TCTN2: variants seen among roughly 807,000 people sequenced by gnomAD.
The protein encoded by TCTN2 is tectonic family member 2.
A neutral mutation model predicts 83.4 loss-of-function variants in TCTN2; 66 were observed. The observed-to-expected ratio is 0.79, with a 90% CI of 0.65 to 0.97. The LOEUF is 0.97. Among genes scored for constraint, TCTN2 ranks in the 50% least tolerant of loss-of-function variants. The pLI is 0.00. For synonymous variants in TCTN2, 301 were observed against 326.7 expected, an observed-to-expected ratio of 0.92 and a Z score of 0.85; for missense variants, 794 against 858.1, an observed-to-expected ratio of 0.93 and a Z score of 0.93.
intron 15 of TCTN2, 125 bp from the exon 16 acceptor site, chr12:123,706,601 C>A: frequency 7.0e-7 from 1 of 1,418,516 alleles, no homozygotes; most frequent in Non-Finnish European, 9.9e-7. Flanking sequence ...AAAAACAGCC[C>A]AGGTAGAATG....
At chr12:123,679,737 T>G (rs997884164) in intron 5 of TCTN2, among the ~76,000 whole-genome samples, 3 of 66,234 alleles carry the variant, frequency 4.5e-5, no homozygotes, top group African/African-American at 4.7e-5. Flanking sequence ...TCAAATTGAG[T>G]TTTTTTTTTT....
intron 9 of TCTN2, 48 bp downstream of exon 9, chr12:123,692,771 C>T (rs774758045): frequency 4.9e-6 from 7 of 1,417,310 alleles, no homozygotes; most frequent in Admixed American, 3.4e-5. Context: ...ACAGATATGT[C>T]ATTTCTTACA....
intron 5 of TCTN2, among the ~76,000 whole-genome samples, chr12:123,686,626 T>G (rs1052077442): frequency 1.3e-5 from 2 of 152,226 alleles, no homozygotes; most frequent in Admixed American, 1.3e-4. Context: ...AGTTTCTGAC[T>G]TGAAGGCTTA....
At chr12:123,671,970 G>T in intron 2 of TCTN2, 86 bp from the exon 3 acceptor site, 1 of 1,091,810 alleles carries the variant, frequency 9.2e-7, no homozygotes, top group Middle Eastern at 2.3e-4. Context: ...AGGCTGTAAT[G>T]TGAGTCCATC....
chr12:123,676,701 T>G (rs1325170870), intron 4 of TCTN2, among the ~76,000 whole-genome samples: 3 of 151,552 alleles, frequency 2.0e-5, no homozygotes, highest in Non-Finnish European at 4.4e-5. Context: ...TCTGACCCCA[T>G]GAAGGCATGA....
chr12:123,695,432 C>T, intron 11 of TCTN2, 135 bp downstream of exon 11: 1 of 714,638 alleles, frequency 1.4e-6, no homozygotes. Flanking sequence ...TTCTCTTTTT[C>T]TTTTTTTGAG....
chr12:123,687,131 C>A, intron 6 of TCTN2, 96 bp downstream of exon 6: 1 of 1,407,710 alleles, frequency 7.1e-7, no homozygotes. Flanking sequence ...ACGTTTTTCC[C>A]AACCCCTCTC....
intron 7 of TCTN2, among the ~76,000 whole-genome samples, 194 bp downstream of exon 7, chr12:123,688,371 G>A (rs1295197021): frequency 1.3e-5 from 2 of 151,338 alleles, no homozygotes; most frequent in Non-Finnish European, 2.9e-5. Flanking sequence ...GTGTGCCACC[G>A]CACCCAGCCA....
chr12:123,696,598 T>C lies in TCTN2; in HGVS notation c.1393+103T>C, dbSNP rs1246652953. 9 of 1,108,170 alleles carry C rather than the reference T, an allele frequency of 8.1e-6. No homozygotes were observed. In the African/African-American group the frequency reaches 1.1e-4, roughly 13 times the overall value. 68.6% of individuals were successfully genotyped at this position (1,108,170 alleles called of 1,614,324 possible). A position where few individuals can be genotyped will look rare whatever the true frequency, so the allele number is the denominator to read the frequency against. Reference sequence around the variant, plus strand: ...AGCAATCAATTATTTTAAAGCCTAGTTGGTTTATTTAGCAGAGAGGTACAT... The same window carrying C: ...AGCAATCAATTATTTTAAAGCCTAGCTGGTTTATTTAGCAGAGAGGTACAT... On this transcript the variant is annotated intron_variant, in intron 12 of 17. Coordinates refer to ENST00000303372, the MANE Select transcript of TCTN2 (RefSeq NM_024809.5).
intron 5 of TCTN2, among the ~76,000 whole-genome samples, chr12:123,681,376 T>C (rs1249245416): frequency 6.6e-6 from 1 of 151,932 alleles, no homozygotes; most frequent in Non-Finnish European, 1.5e-5. Context: ...CAGAAAGAAA[T>C]CGTGTGTCCC....
chr12:123,690,511 T>C, intron 7 of TCTN2, 22 bp from the exon 8 acceptor site: 3 of 1,614,192 alleles, frequency 1.9e-6, no homozygotes, highest in Non-Finnish European at 2.5e-6. Context: ...ATAAATCTGT[T>C]GGCTTTGCCC....
chr12:123,682,805 G>A (rs1407573066), intron 5 of TCTN2, among the ~76,000 whole-genome samples: 1 of 152,008 alleles, frequency 6.6e-6, no homozygotes, highest in Non-Finnish European at 1.5e-5. Context: ...TCTTGTTGTT[G>A]TCCTTTGAGG....
chr12:123,673,267 T>C (rs962091323), intron 3 of TCTN2, among the ~76,000 whole-genome samples: 3 of 152,142 alleles, frequency 2.0e-5, no homozygotes, highest in African/African-American at 7.2e-5. Context: ...TGGGATAAAC[T>C]GAGGATTGTT....
chr12:123,696,782 T>G (rs1412817899), intron 12 of TCTN2: 1 of 527,362 alleles, frequency 1.9e-6, no homozygotes, highest in African/African-American at 1.9e-5. Context: ...TAGCCCAGGA[T>G]GGTGCTAATT....
chr12:123,684,633 C>T (rs1022486517), intron 5 of TCTN2, among the ~76,000 whole-genome samples: 1 of 152,036 alleles, frequency 6.6e-6, no homozygotes, highest in Non-Finnish European at 1.5e-5. Context: ...CTCCTGACTG[C>T]AAGTGATCTA....
intron 11 of TCTN2, chr12:123,695,846 ATT>A (rs770935594): frequency 3.9e-4 from 55 of 139,890 alleles, no homozygotes; most frequent in South Asian, 1.0e-3. Context: ...CACTGTATTC[ATT>A]TTTTTTTTTT....
At chr12:123,682,203 C>G (rs1955907831) in intron 5 of TCTN2, among the ~76,000 whole-genome samples, 1 of 152,122 alleles carries the variant, frequency 6.6e-6, no homozygotes, top group Admixed American at 6.5e-5. Context: ...AATTCCTGGG[C>G]TCAAGCAATC....
intron 13 of TCTN2, among the ~76,000 whole-genome samples, chr12:123,698,365 G>T (rs1307130714): frequency 6.2e-5 from 9 of 145,128 alleles, no homozygotes; most frequent in South Asian, 2.2e-4. Flanking sequence ...TTTTGTTTTT[G>T]TTTTTTTTTT....
chr12:123,681,374 A>G (rs576712716), intron 5 of TCTN2, among the ~76,000 whole-genome samples: 3 of 152,320 alleles, frequency 2.0e-5, no homozygotes, highest in Admixed American at 1.3e-4. Context: ...CCCAGAAAGA[A>G]ATCGTGTGTC....
Sources: allele counts gnomAD v4.1 joint callset (sites outside exome capture counted in the v4.1 genomes callset), GRCh38; gene constraint gnomAD v4.1.1; transcripts MANE v1.5; gene names NCBI Gene and HGNC (gene_info 2026-07-23, HGNC 2026-07-21).